The following RAB11FIP3 variants were observed in gnomAD, a reference collection of about 807,000 sequenced individuals.
The protein encoded by RAB11FIP3 is RAB11 family interacting protein 3, also known as rab11 family-interacting protein 3.
In RAB11FIP3, 17 loss-of-function variants were observed where a neutral mutation model predicts 77.8. The observed-to-expected ratio is 0.22, with a 90% CI of 0.15 to 0.33. The LOEUF is 0.33. RAB11FIP3 is among the 10% of genes least tolerant of loss of function. The pLI, the probability that RAB11FIP3 is intolerant of heterozygous loss-of-function variation, is 1.00. For missense variants in RAB11FIP3, 1,005 were observed against 1,011.2 expected, an observed-to-expected ratio of 0.99 and a Z score of 0.08; for synonymous variants, 437 against 448.2, an observed-to-expected ratio of 0.98 and a Z score of 0.31.
chr16:520,897 G>T lies in RAB11FIP3; in HGVS notation c.*58G>T. The T allele has an allele frequency of 7.1e-7, 1 of 1,416,706 alleles. No individual in the cohort carries two copies. Among genetic ancestry groups the T allele is most frequent in the African/African-American group, 1.4e-5 (1 of 71,032 alleles). The allele number at this position is 1,416,706 out of a possible 1,614,324, so 87.8% of individuals were successfully genotyped here. The stretch of plus-strand genomic sequence containing the variant: ...GACTCCAACACCCTGGAGTGGTTCC[G>T]TCAGACCATGAGGAGCCAAGACCAG... On this transcript the variant is annotated 3_prime_UTR_variant, in exon 14 of 14. Transcript: ENST00000262305.
intron 4 of RAB11FIP3, among the ~76,000 whole-genome samples, chr16:484,512 C>T (rs927815126): frequency 2.0e-5 from 3 of 152,236 alleles, no homozygotes; most frequent in Middle Eastern, 3.4e-3. Flanking sequence ...CCACCACGCC[C>T]GGCTAATATT....
At chr16:510,533 C>A in intron 8 of RAB11FIP3, 127 bp from the exon 9 acceptor site, 1 of 1,112,528 alleles carries the variant, frequency 9.0e-7, no homozygotes, top group Non-Finnish European at 1.2e-6. Context: ...TCGGGGATGC[C>A]CTTCTCGGTG....
intron 1 of RAB11FIP3, among the ~76,000 whole-genome samples, chr16:460,666 T>C (rs1301043531): frequency 6.6e-6 from 1 of 152,196 alleles, no homozygotes; most frequent in African/African-American, 2.4e-5. Context: ...CAGGAAGGCA[T>C]TTCTGAATGG....
intron 2 of RAB11FIP3, among the ~76,000 whole-genome samples, chr16:465,060 CCT>C (rs1555501682): frequency 6.6e-6 from 1 of 152,078 alleles, no homozygotes; most frequent in Non-Finnish European, 1.5e-5. Context: ...TCATTGGTCC[CCT>C]GAGTTCATGG....
intron 5 of RAB11FIP3, among the ~76,000 whole-genome samples, chr16:492,358 G>GGCCCCCCCGGGGGACCCGAGGCC (rs1688731114): frequency 1.1e-5 from 1 of 90,962 alleles, no homozygotes; most frequent in African/African-American, 6.3e-5. Context: ...CTTTGAAGAG[G>GGCCCCCCCGGGGGACCCGAGGCC]GTCTTCCCGG....
At chr16:490,986 G>A (rs2030128457) in intron 5 of RAB11FIP3, 1 of 709,786 alleles carries the variant, frequency 1.4e-6, no homozygotes, top group South Asian at 2.2e-5. Flanking sequence ...CTAAAGGCAA[G>A]AGCCAGAACA....
chr16:446,006 G>A (rs540517378), intron 1 of RAB11FIP3, among the ~76,000 whole-genome samples: 2 of 152,092 alleles, frequency 1.3e-5, no homozygotes, highest in Admixed American at 6.6e-5. Flanking sequence ...CAGAGACGAG[G>A]GTGCATCATA....
chr16:477,649 C>T (rs2055945415), intron 3 of RAB11FIP3: 3 of 985,470 alleles, frequency 3.0e-6, no homozygotes, highest in Non-Finnish European at 3.6e-6. Context: ...GGGAGCTGCC[C>T]AGGGACGGTG....
intron 1 of RAB11FIP3, among the ~76,000 whole-genome samples, chr16:430,640 C>T (rs2055020746): frequency 6.6e-6 from 1 of 152,082 alleles, no homozygotes; most frequent in Admixed American, 6.6e-5. Context: ...CTGCAACCTC[C>T]ACCTCCTGGG....
Position 497,360 on chromosome 16 carries a change from C to T in RAB11FIP3, c.1301+501C>T, listed in dbSNP as rs1042705781. The T allele has an allele frequency of 2.1e-5, 27 of 1,302,410 alleles. No individual in the cohort carries two copies. In the Admixed American group the frequency reaches 5.1e-4, roughly 24 times the overall value. The allele number at this position is 1,302,410 out of a possible 1,614,324, so 80.7% of individuals were successfully genotyped here. ...ATACACTTTTATCTTCCTCCCCTGCCAGTTCTTACCGAAATAAACATGCAG... is the reference window on the plus strand; with the variant it reads ...ATACACTTTTATCTTCCTCCCCTGCTAGTTCTTACCGAAATAAACATGCAG... On this transcript the variant is annotated intron_variant, in intron 6 of 13. Transcript: ENST00000262305.
At chr16:515,727 G>T (rs2032380715) in intron 9 of RAB11FIP3, among the ~76,000 whole-genome samples, 1 of 151,684 alleles carries the variant, frequency 6.6e-6, no homozygotes, top group Admixed American at 6.6e-5. Flanking sequence ...CAGCCACACG[G>T]CCGACACGTG....
chr16:490,969 C>T (rs1320217884), intron 5 of RAB11FIP3, among the ~76,000 whole-genome samples: 1 of 152,234 alleles, frequency 6.6e-6, no homozygotes, highest in African/African-American at 2.4e-5. Flanking sequence ...TGTGGGCTCA[C>T]TGCGGTCTAA....
Position 426,971 on chromosome 16 carries a change from C to A in RAB11FIP3, c.714+251C>A, listed in dbSNP as rs2054957726. Among the ~76,000 whole-genome samples, 1 of 152,104 alleles carries A rather than the reference C, an allele frequency of 6.6e-6. No homozygotes were observed. The highest frequency in any genetic ancestry group is 1.5e-5 in the Non-Finnish European group (1 of 68,012). ...GTTTCTTCCCCTCCCCCCAGCGCCT[C>A]GTCAGCTGGATCTTACCGAGGTCAG... is the stretch of plus-strand genomic sequence containing the variant. On this transcript the variant is annotated intron_variant, in intron 1 of 13. Coordinates refer to ENST00000262305, the MANE Select transcript of RAB11FIP3 (RefSeq NM_014700.4). The surrounding 1 kb of genome is among the most constrained non-coding windows in gnomAD (Gnocchi z 5.0).
chr16:479,988 A>T (rs115691825), intron 3 of RAB11FIP3, among the ~76,000 whole-genome samples: 3,732 of 151,932 alleles, frequency 0.025, 158 homozygotes, highest in African/African-American at 0.085. Context: ...TTTTTCATTT[A>T]AAAAAAAGTT....
At chr16:465,412 T>C (rs1225651933) in intron 2 of RAB11FIP3, among the ~76,000 whole-genome samples, 1 of 152,162 alleles carries the variant, frequency 6.6e-6, no homozygotes, top group Non-Finnish European at 1.5e-5. Context: ...ATATTTTACA[T>C]AGCCATAATA....
At chr16:469,363 C>T (rs988307583) in intron 2 of RAB11FIP3, among the ~76,000 whole-genome samples, 1 of 152,074 alleles carries the variant, frequency 6.6e-6, no homozygotes, top group African/African-American at 2.4e-5. Context: ...CGTGAGCCAC[C>T]ATGCCCGGCC....
chr16:441,749 T>C (rs1386575390), intron 1 of RAB11FIP3, among the ~76,000 whole-genome samples: 1 of 152,198 alleles, frequency 6.6e-6, no homozygotes, highest in Non-Finnish European at 1.5e-5. Context: ...TGTGACATAA[T>C]AACAGCCTTT....
intron 1 of RAB11FIP3, among the ~76,000 whole-genome samples, chr16:443,019 G>A (rs567712302): frequency 2.6e-5 from 4 of 152,170 alleles, no homozygotes; most frequent in Non-Finnish European, 4.4e-5. Flanking sequence ...GTCCATCCCC[G>A]TCAGCATGGC....
At chr16:517,665 T>A (rs1455464019) in intron 9 of RAB11FIP3, among the ~76,000 whole-genome samples, 2 of 152,150 alleles carry the variant, frequency 1.3e-5, no homozygotes, top group African/African-American at 4.8e-5. Context: ...CTGCAGAGTG[T>A]CCCAATGTGG....
Sources: gnomAD v4.1 joint callset for allele counts (sites outside exome capture counted in the v4.1 genomes callset) on GRCh38, gnomAD v4.1.1 for gene constraint, Gnocchi (gnomAD v3.1) non-coding constraint, MANE v1.5 for transcripts, NCBI Gene and HGNC (gene_info 2026-07-23, HGNC 2026-07-21) for gene names.